Variants in ANKRD62 observed in about 807,000 individuals in gnomAD.
ANKRD62 encodes ankyrin repeat domain 62.
In ANKRD62, 61 loss-of-function variants were observed where a neutral mutation model predicts 98.8. That is an observed-to-expected ratio of 0.62 (90% CI 0.50 to 0.76). ANKRD62 has a LOEUF of 0.76. Among genes scored for constraint, ANKRD62 ranks in the 30% least tolerant of loss-of-function variants. ANKRD62 has a pLI of 0.00. For missense variants in ANKRD62, 933 were observed against 1,082.9 expected, an observed-to-expected ratio of 0.86 and a Z score of 1.94; for synonymous variants, 341 against 367.9, an observed-to-expected ratio of 0.93 and a Z score of 0.84.
downstream of ANKRD62, among the ~76,000 whole-genome samples, chr18:12,130,299 TA>T (rs1196599541): frequency 4.6e-5 from 7 of 151,998 alleles, no homozygotes; most frequent in South Asian, 4.1e-4. Context: ...TTATATGATT[TA>T]AAAAAAATTA....
intron 3 of ANKRD62, 69 bp from the exon 4 acceptor site, chr18:12,096,127 A>G (rs1909177124): frequency 1.9e-6 from 2 of 1,066,528 alleles, no homozygotes; most frequent in Non-Finnish European, 1.3e-6. Flanking sequence ...GGATCTTAAC[A>G]TAAGGTTTTC....
intron 7 of ANKRD62, among the ~76,000 whole-genome samples, chr18:12,106,508 T>C (rs968855646): frequency 1.3e-5 from 2 of 152,218 alleles, no homozygotes; most frequent in African/African-American, 2.4e-5. Flanking sequence ...TTCAGCCTTA[T>C]GAAACAGTAT....
At chr18:12,123,150 C>A (rs1909817423) in intron 11 of ANKRD62, among the ~76,000 whole-genome samples, 1 of 152,004 alleles carries the variant, frequency 6.6e-6, no homozygotes, top group Non-Finnish European at 1.5e-5. Context: ...CGGGTTCAAG[C>A]AATTCTTGTG....
intron 13 of ANKRD62, among the ~76,000 whole-genome samples, chr18:12,126,804 C>G (rs557786771): frequency 1.3e-5 from 2 of 152,252 alleles, no homozygotes; most frequent in Admixed American, 6.5e-5. Context: ...TCCAGATTTC[C>G]CAGATGAACT....
At chr18:12,170,480 C>G in the ANKRD62 span, among the ~76,000 whole-genome samples, 1 of 152,176 alleles carries the variant, frequency 6.6e-6, no homozygotes, top group Non-Finnish European at 1.5e-5. Flanking sequence ...TTTTATTGCA[C>G]TGTGGTCTGA....
At chr18:12,132,563 C>T (rs1213361037), downstream of ANKRD62, among the ~76,000 whole-genome samples, 3 of 151,972 alleles carry the variant, frequency 2.0e-5, no homozygotes, top group Non-Finnish European at 4.4e-5. Context: ...TCTCGATCTT[C>T]GGGGAAAGCA....
intron 7 of ANKRD62, 30 bp from the exon 8 acceptor site, chr18:12,107,265 A>G (rs1183848695): frequency 9.8e-6 from 14 of 1,433,050 alleles, no homozygotes; most frequent in Non-Finnish European, 1.3e-5. Flanking sequence ...AATAATGACA[A>G]TTATTCTCAG....
chr18:12,113,619 C>T (rs11874561), intron 8 of ANKRD62, among the ~76,000 whole-genome samples: 38,138 of 151,932 alleles, frequency 0.25, 4,993 homozygotes, highest in Middle Eastern at 0.33. Context: ...GACTGAGACT[C>T]CGTCTCAAAA....
At chr18:12,137,793 A>T in the ANKRD62 span, among the ~76,000 whole-genome samples, 1 of 152,098 alleles carries the variant, frequency 6.6e-6, no homozygotes, top group South Asian at 2.1e-4. Context: ...TGTGTTGAGG[A>T]ATTTATCTAT....
At chr18:12,101,361 A>G (rs1399070154) in intron 6 of ANKRD62, among the ~76,000 whole-genome samples, 1 of 152,218 alleles carries the variant, frequency 6.6e-6, no homozygotes, top group Non-Finnish European at 1.5e-5. Flanking sequence ...AGAATTTGTA[A>G]TATTTTGATA....
chr18:12,110,643 T>C (rs1909518642), intron 8 of ANKRD62, among the ~76,000 whole-genome samples: 1 of 152,188 alleles, frequency 6.6e-6, no homozygotes, highest in Admixed American at 6.5e-5. Context: ...ACTCTTGAAC[T>C]CACTGCTGTA....
the ANKRD62 span, among the ~76,000 whole-genome samples, chr18:12,146,365 G>A: frequency 6.6e-6 from 1 of 152,264 alleles, no homozygotes; most frequent in Non-Finnish European, 1.5e-5. Context: ...AGTCTTTGGA[G>A]AGTCAGAGGC....
At chr18:12,163,073 G>A in the ANKRD62 span, among the ~76,000 whole-genome samples, 541 of 152,206 alleles carry the variant, frequency 3.6e-3, 2 homozygotes, top group African/African-American at 0.012. Context: ...TATTTTGAGA[G>A]GGATTGCATT....
chr18:12,102,263 C>T (rs1440003300), intron 6 of ANKRD62: 7 of 761,256 alleles, frequency 9.2e-6, no homozygotes, highest in African/African-American at 3.4e-5. Context: ...CACTGACGAC[C>T]CTCTCACTAG....
chr18:12,154,710 A>C, the ANKRD62 span, among the ~76,000 whole-genome samples: 3 of 152,236 alleles, frequency 2.0e-5, no homozygotes, highest in East Asian at 1.9e-4. Context: ...AAAGACATGG[A>C]ATCAACCTAA....
At chr18:12,104,855 G>T (rs929367532) in intron 7 of ANKRD62, among the ~76,000 whole-genome samples, 2 of 152,090 alleles carry the variant, frequency 1.3e-5, no homozygotes, top group Non-Finnish European at 2.9e-5. Context: ...GAATTTGCTT[G>T]CCAGTCATCT....
At chr18:12,126,538 G>A (rs904290519) in intron 13 of ANKRD62, among the ~76,000 whole-genome samples, 155 bp downstream of exon 13, 1 of 152,110 alleles carries the variant, frequency 6.6e-6, no homozygotes, top group African/African-American at 2.4e-5. Flanking sequence ...TTTGTTTCCA[G>A]CAAATAAAAG....
At chr18:12,117,722 A>G (rs1024051024) in intron 10 of ANKRD62, among the ~76,000 whole-genome samples, 13 of 152,188 alleles carry the variant, frequency 8.5e-5, no homozygotes, top group Non-Finnish European at 1.9e-4. Flanking sequence ...TGTCGAGATG[A>G]TTCTGTGGAT....
intron 10 of ANKRD62, among the ~76,000 whole-genome samples, chr18:12,117,836 C>G (rs1038980677): frequency 1.3e-5 from 2 of 152,102 alleles, no homozygotes; most frequent in Non-Finnish European, 2.9e-5. Context: ...ATGTATTGTC[C>G]TTTTATTATA....
Sources: gnomAD v4.1 joint callset for allele counts (sites outside exome capture counted in the v4.1 genomes callset) on GRCh38, gnomAD v4.1.1 for gene constraint, MANE v1.5 for transcripts, NCBI Gene and HGNC (gene_info 2026-07-23, HGNC 2026-07-21) for gene names.